ITPK1: variants seen among roughly 807,000 people sequenced by gnomAD.
The protein encoded by ITPK1 is inositol-tetrakisphosphate 1-kinase, also known as inositol 1,3,4-trisphosphate 5/6-kinase.
A neutral mutation model predicts 45.3 loss-of-function variants in ITPK1; 21 were observed. The observed-to-expected ratio is 0.46, with a 90% CI of 0.33 to 0.67. The LOEUF is 0.67. ITPK1 is among the 30% of genes least tolerant of loss of function. The probability of loss-of-function intolerance (pLI) is 0.02; values close to 1 mark genes in which losing one functional copy is unlikely to be tolerated. For synonymous variants in ITPK1, 258 were observed against 253.6 expected (o/e 1.02, Z -0.16); for missense variants, 474 against 573.5 (o/e 0.83, Z 1.77).
intron 3 of ITPK1, among the ~76,000 whole-genome samples, chr14:93,021,984 A>G (rs922385075): frequency 1.3e-5 from 2 of 152,214 alleles, no homozygotes; most frequent in African/African-American, 4.8e-5. Context: ...TTTTCTCCCT[A>G]GAAGATAAAG....
chr14:93,046,038 G>C (rs1889758973), intron 3 of ITPK1, among the ~76,000 whole-genome samples: 1 of 152,134 alleles, frequency 6.6e-6, no homozygotes, highest in Non-Finnish European at 1.5e-5. Context: ...GCCCTCACCA[G>C]GCACACACAG....
chr14:93,111,530 G>T (rs1021274850), intron 2 of ITPK1, among the ~76,000 whole-genome samples: 6 of 152,024 alleles, frequency 3.9e-5, no homozygotes, highest in Non-Finnish European at 8.8e-5. Flanking sequence ...GGACAACATG[G>T]TAAAACTCCA....
At chr14:93,047,975 C>A (rs573828479) in intron 3 of ITPK1, among the ~76,000 whole-genome samples, 1 of 152,338 alleles carries the variant, frequency 6.6e-6, no homozygotes, top group East Asian at 1.9e-4. Context: ...TTCTTAATGG[C>A]CTGAAACCTG....
In ITPK1 at chr14:93,032,328, C is replaced by A. The variant is rs978533448; in HGVS notation, c.121-15527G>T. Among the ~76,000 whole-genome samples, 3 of 149,760 alleles carry A rather than the reference C, an allele frequency of 2.0e-5. No individual in the cohort carries two copies. Among genetic ancestry groups the A allele is most frequent in the South Asian group, 4.3e-4 (2 of 4,650 alleles). ...TTACGCCACTGCACTCCAGGCTGGG[C>A]GACAGAGCGAGACTCCATCTCAAAT... On this transcript the variant is annotated intron_variant, in intron 3 of 10. Coordinates refer to ENST00000267615, the MANE Select transcript of ITPK1 (RefSeq NM_014216.6). This position sits in a 1 kb window ranked among gnomAD's most constrained non-coding sequence, Gnocchi z 4.0.
At chr14:92,953,768 T>G (rs1289671058) in intron 8 of ITPK1, among the ~76,000 whole-genome samples, 2 of 152,204 alleles carry the variant, frequency 1.3e-5, no homozygotes, top group Non-Finnish European at 2.9e-5. Context: ...AGCTGGGTAC[T>G]CAGAGGGGCC....
intron 7 of ITPK1, among the ~76,000 whole-genome samples, chr14:92,959,129 G>C (rs530447623): frequency 6.6e-6 from 1 of 152,034 alleles, no homozygotes; most frequent in Non-Finnish European, 1.5e-5. Flanking sequence ...TCTGGTAGGG[G>C]CTGGGGTAGG....
Position 92,941,142 on chromosome 14 carries a change from G to C in ITPK1, c.*419C>G. ...AAGGGAAGCCACTCTCACATGCACC[G>C]ATCAGCCTCCCACAGCCCGACATGG... On this transcript the variant is annotated 3_prime_UTR_variant, in exon 11 of 11. Coordinates refer to ENST00000267615, the MANE Select transcript of ITPK1 (RefSeq NM_014216.6). 2 of 1,202,922 alleles carry C rather than the reference G, an allele frequency of 1.7e-6. No homozygotes were observed. The highest frequency in any genetic ancestry group is 2.1e-6 in the Non-Finnish European group (2 of 954,388). 74.5% of individuals were successfully genotyped at this position (1,202,922 alleles called of 1,614,324 possible). A position where few individuals can be genotyped will look rare whatever the true frequency, so the allele number is the denominator to read the frequency against.
chr14:93,018,047 C>T, intron 3 of ITPK1, among the ~76,000 whole-genome samples: 1 of 152,210 alleles, frequency 6.6e-6, no homozygotes, highest in Admixed American at 6.5e-5. Flanking sequence ...TGCAACCCCG[C>T]TCCCCACGCC....
intron 2 of ITPK1, among the ~76,000 whole-genome samples, chr14:93,088,828 G>A (rs1891757389): frequency 6.6e-6 from 1 of 152,168 alleles, no homozygotes; most frequent in African/African-American, 2.4e-5. Flanking sequence ...GAAATTCAGA[G>A]CAGTTCAGTA....
intron 3 of ITPK1, among the ~76,000 whole-genome samples, chr14:93,064,607 G>T (rs1890671033): frequency 6.6e-6 from 1 of 152,206 alleles, no homozygotes; most frequent in African/African-American, 2.4e-5. Context: ...GGACACAGCT[G>T]CAGGGCCGGG....
At chr14:93,105,190 C>T (rs1188982567) in intron 2 of ITPK1, among the ~76,000 whole-genome samples, 1 of 152,130 alleles carries the variant, frequency 6.6e-6, no homozygotes, top group Admixed American at 6.6e-5. Flanking sequence ...CGGTGCCAGA[C>T]TGGAGATTCC....
At chr14:93,049,631 C>T (rs958839272) in intron 3 of ITPK1, among the ~76,000 whole-genome samples, 1 of 151,904 alleles carries the variant, frequency 6.6e-6, no homozygotes, top group African/African-American at 2.4e-5. Context: ...AAAGATCATT[C>T]TGCCAGGTGG....
intron 7 of ITPK1, among the ~76,000 whole-genome samples, chr14:92,959,034 G>A (rs189977741): frequency 1.3e-5 from 2 of 152,312 alleles, no homozygotes; most frequent in Admixed American, 6.5e-5. Context: ...CCCTACACAC[G>A]GAGCCATGTG....
chr14:93,024,133 G>A (rs368946688), intron 3 of ITPK1, among the ~76,000 whole-genome samples: 16 of 150,912 alleles, frequency 1.1e-4, no homozygotes, highest in African/African-American at 1.7e-4. Context: ...AAGCCTGACC[G>A]CCCTGTGTGT....
At chr14:93,071,636 G>A (rs943381122) in intron 3 of ITPK1, 3 of 152,134 alleles carry the variant, frequency 2.0e-5, no homozygotes, top group Admixed American at 2.0e-4. Context: ...ATACCACGGC[G>A]ATTAGAGATT....
intron 3 of ITPK1, among the ~76,000 whole-genome samples, chr14:93,035,039 C>T (rs939260037): frequency 3.9e-5 from 6 of 152,240 alleles, no homozygotes; most frequent in Non-Finnish European, 4.4e-5. Flanking sequence ...GCCTCTTCTC[C>T]GCTAGGTTCT....
chr14:92,950,064 C>T (rs1036374721), intron 9 of ITPK1, among the ~76,000 whole-genome samples: 2 of 152,226 alleles, frequency 1.3e-5, no homozygotes. Flanking sequence ...AGAGAGGCGA[C>T]GCGACTCGCC....
intron 3 of ITPK1, among the ~76,000 whole-genome samples, chr14:93,042,452 C>A (rs1183263566): frequency 6.6e-6 from 1 of 152,146 alleles, no homozygotes; most frequent in Non-Finnish European, 1.5e-5. Context: ...CAGCCATTTG[C>A]CAAAAGGATT....
intron 2 of ITPK1, among the ~76,000 whole-genome samples, chr14:93,090,055 C>T (rs1490300971): frequency 6.6e-6 from 1 of 152,182 alleles, no homozygotes; most frequent in Non-Finnish European, 1.5e-5. Flanking sequence ...TGCACACACA[C>T]TCTGCACCTT....
Sources: allele counts gnomAD v4.1 joint callset (sites outside exome capture counted in the v4.1 genomes callset), GRCh38; gene constraint gnomAD v4.1.1; non-coding constraint Gnocchi (gnomAD v3.1); transcripts MANE v1.5; gene names NCBI Gene and HGNC (gene_info 2026-07-23, HGNC 2026-07-21).